The following WWOX variants were observed in gnomAD, a reference collection of about 807,000 sequenced individuals.
WWOX encodes WW domain containing oxidoreductase.
Under a neutral mutation model 46.2 loss-of-function variants are expected in WWOX, and 69 were observed. The observed-to-expected ratio is 1.49, with a 90% CI of 1.23 to 1.82. The LOEUF (loss-of-function observed/expected upper bound fraction) is 1.82, where lower values mean the gene tolerates loss of function less well. WWOX is among the 40% of genes most tolerant of loss of function. WWOX has a pLI of 0.00. For missense variants in WWOX, 919 were observed against 542.6 expected (o/e 1.69, Z -6.89); for synonymous variants, 359 against 202.6 (o/e 1.77, Z -6.56).
intron 8 of WWOX, among the ~76,000 whole-genome samples, chr16:78,808,410 A>G (rs570488807): frequency 6.6e-6 from 1 of 152,362 alleles, no homozygotes; most frequent in South Asian, 2.1e-4. Context: ...AAATATGGGT[A>G]AATGCTATTG....
chr16:78,687,644 C>G (rs920289175), intron 8 of WWOX, among the ~76,000 whole-genome samples: 2 of 152,134 alleles, frequency 1.3e-5, no homozygotes, highest in Admixed American at 6.5e-5. Context: ...CTCAGGAACC[C>G]TTGGTTAGCA....
chr16:78,676,626 CAG>C (rs2047606437), intron 8 of WWOX, among the ~76,000 whole-genome samples: 1 of 152,120 alleles, frequency 6.6e-6, no homozygotes, highest in South Asian at 2.1e-4. Context: ...GATGTGCTGT[CAG>C]GGGCTGGATG....
intron 8 of WWOX, among the ~76,000 whole-genome samples, chr16:78,560,410 A>C (rs1273318597): frequency 6.6e-6 from 1 of 152,202 alleles, no homozygotes; most frequent in Non-Finnish European, 1.5e-5. Flanking sequence ...TGGGAGGCCG[A>C]GGTGGGTGGA....
chr16:78,420,029 T>C (rs1489937839), intron 6 of WWOX, among the ~76,000 whole-genome samples: 3 of 152,170 alleles, frequency 2.0e-5, no homozygotes, highest in African/African-American at 7.2e-5. Flanking sequence ...ACATAAAAGA[T>C]GTTCAATCTC....
intron 8 of WWOX, among the ~76,000 whole-genome samples, chr16:78,996,614 G>C (rs892048097): frequency 6.6e-6 from 1 of 151,982 alleles, no homozygotes; most frequent in Non-Finnish European, 1.5e-5. Context: ...ATTTAGATGA[G>C]AATTAAGATT....
At chr16:78,824,632 G>A (rs574595400) in intron 8 of WWOX, among the ~76,000 whole-genome samples, 32 of 152,216 alleles carry the variant, frequency 2.1e-4, no homozygotes, top group Non-Finnish European at 3.5e-4. Context: ...CTTCTTACAC[G>A]GCAGCGGCAA....
chr16:78,959,524 C>T (rs1016928125), intron 8 of WWOX, among the ~76,000 whole-genome samples: 1 of 152,040 alleles, frequency 6.6e-6, no homozygotes, highest in African/African-American at 2.4e-5. Flanking sequence ...TGCATTCATC[C>T]ACCTGTTCAT....
intron 5 of WWOX, among the ~76,000 whole-genome samples, chr16:78,283,080 A>T (rs2079707349): frequency 6.6e-6 from 1 of 152,004 alleles, no homozygotes; most frequent in Non-Finnish European, 1.5e-5. Context: ...GGCGGCGTGG[A>T]CATAGCCTCT....
In WWOX at chr16:79,153,413, G is replaced by A. The variant is rs141729421; in HGVS notation, c.1057-58195G>A. Among the ~76,000 whole-genome samples the A allele has an allele frequency of 2.2e-3, 329 of 152,272 alleles. 1 individual carries two copies. Among genetic ancestry groups the A allele is most frequent in the African/African-American group, 7.6e-3 (317 of 41,548 alleles). ...GGTACTTACTTAGGGAACTGTGGAG[G>A]TGTCCTCAGGTAGCCACTGGTGTGT... On this transcript the variant is annotated intron_variant, in intron 8 of 8. Transcript: ENST00000566780.
At chr16:78,617,389 G>T (rs945801127) in intron 8 of WWOX, among the ~76,000 whole-genome samples, 36 of 129,840 alleles carry the variant, frequency 2.8e-4, no homozygotes, top group African/African-American at 1.0e-3. Flanking sequence ...GCCACACAGA[G>T]AAACCTTGTA....
intron 5 of WWOX, among the ~76,000 whole-genome samples, chr16:78,231,889 C>G (rs2037277062): frequency 1.6e-5 from 1 of 64,402 alleles, no homozygotes; most frequent in Admixed American, 2.1e-4. Flanking sequence ...TTTCTGAGGT[C>G]TAATCTTGAT....
intron 8 of WWOX, among the ~76,000 whole-genome samples, chr16:78,776,168 A>G (rs1045263508): frequency 2.8e-4 from 43 of 152,212 alleles, no homozygotes; most frequent in Admixed American, 1.9e-3. Context: ...ATGATTCTGC[A>G]TTCATCTCAG....
intron 8 of WWOX, among the ~76,000 whole-genome samples, chr16:78,951,340 G>T (rs1019527500): frequency 4.7e-4 from 2 of 4,254 alleles, no homozygotes; most frequent in African/African-American, 5.1e-4. Flanking sequence ...CTTTCCTATA[G>T]CTTCAAGCAA....
intron 8 of WWOX, among the ~76,000 whole-genome samples, chr16:78,798,220 T>C (rs1412677936): frequency 6.6e-6 from 1 of 152,180 alleles, no homozygotes; most frequent in East Asian, 1.9e-4. Flanking sequence ...AGCCTTGTTA[T>C]TTTTAATCCA....
intron 8 of WWOX, among the ~76,000 whole-genome samples, chr16:79,129,108 C>G (rs955113385): frequency 6.6e-6 from 1 of 152,044 alleles, no homozygotes; most frequent in Admixed American, 6.6e-5. Context: ...GGAATGCTTG[C>G]AAACAACGGT....
intron 8 of WWOX, among the ~76,000 whole-genome samples, chr16:78,579,668 T>G (rs973891557): frequency 6.6e-6 from 1 of 152,232 alleles, no homozygotes; most frequent in African/African-American, 2.4e-5. Flanking sequence ...TCTCTGTCTC[T>G]ATCACATTAC....
At chr16:78,483,387 T>G (rs1369228688) in intron 8 of WWOX, among the ~76,000 whole-genome samples, 1 of 151,918 alleles carries the variant, frequency 6.6e-6, no homozygotes, top group Non-Finnish European at 1.5e-5. Flanking sequence ...TTTTTTTTTT[T>G]TTAATACTTT....
chr16:78,459,420 C>G (rs946089998), intron 8 of WWOX, among the ~76,000 whole-genome samples: 2 of 152,212 alleles, frequency 1.3e-5, no homozygotes, highest in Admixed American at 1.3e-4. Context: ...CATCTTTCAT[C>G]AAGAGAAGCA....
chr16:78,758,437 C>G (rs1447314013), intron 8 of WWOX, among the ~76,000 whole-genome samples: 1 of 152,192 alleles, frequency 6.6e-6, no homozygotes, highest in Non-Finnish European at 1.5e-5. Flanking sequence ...CAGGAGCCAC[C>G]TTAATCATCC....
Sources: gnomAD v4.1 joint callset for allele counts (sites outside exome capture counted in the v4.1 genomes callset) on GRCh38, gnomAD v4.1.1 for gene constraint, MANE v1.5 for transcripts, NCBI Gene and HGNC (gene_info 2026-07-23, HGNC 2026-07-21) for gene names.